CDH19: variants seen among roughly 807,000 people sequenced by gnomAD.
CDH19 encodes cadherin 19, also known as cadherin-19.
CDH19 carries 67 observed loss-of-function variants against 64.2 expected under a neutral mutation model. The ratio of observed to expected loss-of-function variants is 1.04; its 90% CI spans 0.86 to 1.28. CDH19 has a LOEUF of 1.28. Ranked by LOEUF, CDH19 falls within the 50% of genes most tolerant of loss-of-function variation. The pLI is 0.00. For missense variants in CDH19, 1,030 were observed against 929.0 expected, an observed-to-expected ratio of 1.11 and a Z score of -1.41; for synonymous variants, 346 against 319.3, an observed-to-expected ratio of 1.08 and a Z score of -0.89.
intron 10 of CDH19, among the ~76,000 whole-genome samples, chr18:66,510,619 TA>T (rs1475210599): frequency 2.0e-5 from 3 of 146,876 alleles, no homozygotes; most frequent in Non-Finnish European, 4.5e-5. Context: ...ATAATAATAA[TA>T]ATAATAATAC....
chr18:66,526,014 T>C (rs1986207101), intron 9 of CDH19, among the ~76,000 whole-genome samples: 1 of 152,136 alleles, frequency 6.6e-6, no homozygotes, highest in South Asian at 2.1e-4. Context: ...CTTCCTTTTA[T>C]TTTTGCCCTT....
At position 66,556,766 on chromosome 18, in the gene CDH19, C is replaced by A. The variant is rs541375824; in HGVS notation, c.491-2242G>T. ...TGGCAAAGAACCTGAATAGATATTT[C>A]TCCAACGAAGACACACACAAATAAA... On this transcript the variant is annotated intron_variant, in intron 3 of 11. Transcript: ENST00000262150. Among the ~76,000 whole-genome samples the A allele has an allele frequency of 9.3e-4, 142 of 151,998 alleles. 1 individual carries two copies. The highest frequency in any genetic ancestry group is 1.6e-3 in the Non-Finnish European group (111 of 67,904).
chr18:66,508,984 C>G lies in CDH19; in HGVS notation c.1828+11G>C, dbSNP rs748587721. The stretch of plus-strand genomic sequence containing the variant: ...ATGCAAATGAGAATAGCAATGATGA[C>G]TTCTACCTACCAAATATGATCATAA... On this transcript the variant is annotated intron_variant, in intron 11 of 11. Coordinates refer to ENST00000262150, the MANE Select transcript of CDH19 (RefSeq NM_021153.4). The G allele has an allele frequency of 6.2e-7, 1 of 1,602,442 alleles. No individual in the cohort carries two copies.
At chr18:66,552,993 C>A (rs1343055134) in intron 4 of CDH19, among the ~76,000 whole-genome samples, 1 of 134,060 alleles carries the variant, frequency 7.5e-6, no homozygotes, top group Non-Finnish European at 1.5e-5. Flanking sequence ...CTTCCACTCT[C>A]CCTTCCTTGT....
intron 1 of CDH19, among the ~76,000 whole-genome samples, chr18:66,587,564 C>A (rs926559700): frequency 6.6e-6 from 1 of 152,074 alleles, no homozygotes; most frequent in Non-Finnish European, 1.5e-5. Context: ...CTTGCAATTG[C>A]ACAAGGTTAC....
At chr18:66,535,141 T>C (rs1986610207) in intron 7 of CDH19, 34 bp from the exon 8 acceptor site, 2 of 1,333,536 alleles carry the variant, frequency 1.5e-6, no homozygotes, top group Non-Finnish European at 2.0e-6. Flanking sequence ...TTAATATTTT[T>C]ATTCTATCTG....
At chr18:66,521,999 T>A (rs538845860) in intron 9 of CDH19, among the ~76,000 whole-genome samples, 1 of 151,858 alleles carries the variant, frequency 6.6e-6, no homozygotes, top group African/African-American at 2.4e-5. Flanking sequence ...CAGGCTGGAG[T>A]GCAGTGGCGC....
At chr18:66,561,029 T>C (rs562016698) in intron 3 of CDH19, among the ~76,000 whole-genome samples, 8 of 152,240 alleles carry the variant, frequency 5.3e-5, no homozygotes, top group African/African-American at 1.9e-4. Context: ...AGTATTTACA[T>C]CATTTAATGA....
intron 1 of CDH19, among the ~76,000 whole-genome samples, chr18:66,572,605 G>A (rs947679734): frequency 6.6e-6 from 1 of 151,522 alleles, no homozygotes; most frequent in Non-Finnish European, 1.5e-5. Flanking sequence ...CTGACATTGA[G>A]ATAGACTTCC....
At chr18:66,599,711 G>A (rs1988992602) in intron 1 of CDH19, among the ~76,000 whole-genome samples, 1 of 151,808 alleles carries the variant, frequency 6.6e-6, no homozygotes, top group South Asian at 2.1e-4. Context: ...AATAAATATT[G>A]AAAACATCCT....
In CDH19 at chr18:66,502,819, C is replaced by T. The variant is rs1054814439; in HGVS notation, c.*1993G>A. The T allele has an allele frequency of 4.0e-5, 6 of 151,820 alleles. No homozygotes were observed. Among genetic ancestry groups the T allele is most frequent in the African/African-American group, 1.4e-4 (6 of 41,402 alleles). The allele number at this position is 151,820 out of a possible 1,614,324, so 9.4% of individuals were successfully genotyped here. A position where few individuals can be genotyped will look rare whatever the true frequency, so the allele number is the denominator to read the frequency against. On this transcript the variant is annotated 3_prime_UTR_variant, in exon 12 of 12. Transcript: ENST00000262150. ...TGACTACATCTTATGTCCTCTCATC[C>T]ACTTTTAATATCTTCCTAAATTATT...
chr18:66,517,365 A>G (rs1184988619), intron 9 of CDH19, among the ~76,000 whole-genome samples: 1 of 152,126 alleles, frequency 6.6e-6, no homozygotes, highest in African/African-American at 2.4e-5. Flanking sequence ...TCCAAAAAAA[A>G]AGACATTTAA....
intron 1 of CDH19, among the ~76,000 whole-genome samples, chr18:66,578,388 G>A (rs1988326856): frequency 6.6e-6 from 1 of 151,834 alleles, no homozygotes; most frequent in Non-Finnish European, 1.5e-5. Flanking sequence ...AACACCTTCA[G>A]TTTCAACGGG....
intron 3 of CDH19, among the ~76,000 whole-genome samples, chr18:66,563,912 T>C (rs1384633815): frequency 4.6e-5 from 7 of 150,612 alleles, no homozygotes; most frequent in Non-Finnish European, 8.9e-5. Context: ...GATAATGGAA[T>C]TTAAGTAAAA....
intron 1 of CDH19, among the ~76,000 whole-genome samples, chr18:66,595,203 G>C (rs1988852670): frequency 2.0e-5 from 3 of 151,660 alleles, no homozygotes. Context: ...GCAGTGTTAA[G>C]AGGAAAGTTT....
At chr18:66,521,972 A>G (rs1986011461) in intron 9 of CDH19, among the ~76,000 whole-genome samples, 1 of 150,090 alleles carries the variant, frequency 6.7e-6, no homozygotes, top group Non-Finnish European at 1.5e-5. Context: ...TTCGAGACGG[A>G]GTTTCTCTCT....
intron 5 of CDH19, among the ~76,000 whole-genome samples, chr18:66,547,873 T>C (rs984898540): frequency 7.0e-6 from 1 of 143,076 alleles, no homozygotes; most frequent in African/African-American, 2.7e-5. Context: ...TTCACCGTTT[T>C]AGCCGGGATG....
At chr18:66,506,118 T>C (rs1272677010) in intron 11 of CDH19, among the ~76,000 whole-genome samples, 2 of 151,906 alleles carry the variant, frequency 1.3e-5, no homozygotes, top group African/African-American at 4.8e-5. Context: ...TCTAAAAAAG[T>C]TGATTTCATA....
rs1265244634 is a variant in CDH19, at chr18:66,577,578, T to C, written c.-112-5262A>G. On this transcript the variant is annotated intron_variant, in intron 1 of 11. Transcript: ENST00000262150. ...TGAGGTCACAAAAAGTGAATACAAA[T>C]TTAGATGAAATACTTGTAATTTCTT... 8.6e-5 allele frequency among the ~76,000 whole-genome samples: 13 copies of C among 152,038 alleles called. No individual in the cohort carries two copies. The East Asian group carries it at 2.5e-3, about 29-fold the overall frequency.
Sources: gnomAD v4.1 joint callset for allele counts (sites outside exome capture counted in the v4.1 genomes callset) on GRCh38, gnomAD v4.1.1 for gene constraint, MANE v1.5 for transcripts, NCBI Gene and HGNC (gene_info 2026-07-23, HGNC 2026-07-21) for gene names.